The following PKHD1 variants were observed in gnomAD, a reference collection of about 807,000 sequenced individuals.
PKHD1 encodes PKHD1 ciliary IPT domain containing fibrocystin/polyductin.
PKHD1 carries 291 observed loss-of-function variants against 412.0 expected under a neutral mutation model. The ratio of observed to expected loss-of-function variants is 0.71; its 90% CI spans 0.64 to 0.78. PKHD1 has a LOEUF of 0.78. Ranked by LOEUF, PKHD1 falls within the 30% of genes least tolerant of loss-of-function variation. The pLI is 0.00. For missense variants in PKHD1, 4,825 were observed against 4,950.7 expected, an observed-to-expected ratio of 0.97 and a Z score of 0.76; for synonymous variants, 1,777 against 1,821.5, an observed-to-expected ratio of 0.98 and a Z score of 0.62.
At chr6:51,773,360 A>G (rs182596933) in intron 54 of PKHD1, among the ~76,000 whole-genome samples, 55 of 152,020 alleles carry the variant, frequency 3.6e-4, no homozygotes, top group Non-Finnish European at 7.2e-4. Context: ...TGCTTGATAC[A>G]GCTCAGTTTT....
chr6:51,763,664 C>T (rs968355274), intron 55 of PKHD1, among the ~76,000 whole-genome samples: 4 of 152,118 alleles, frequency 2.6e-5, no homozygotes, highest in African/African-American at 9.6e-5. Flanking sequence ...TCCAGCTACA[C>T]AAACCAGAAA....
intron 33 of PKHD1, among the ~76,000 whole-genome samples, chr6:52,018,551 C>T (rs185372907): frequency 6.6e-6 from 1 of 152,094 alleles, no homozygotes; most frequent in Non-Finnish European, 1.5e-5. Flanking sequence ...GACAGAGTTT[C>T]GCTGTGTTGC....
chr6:52,001,789 G>A (rs1203891091), intron 35 of PKHD1, among the ~76,000 whole-genome samples: 1 of 152,104 alleles, frequency 6.6e-6, no homozygotes, highest in African/African-American at 2.4e-5. Context: ...AAAGTCTTAA[G>A]TTCAAATAAT....
chr6:51,708,110 T>A (rs1261363714), intron 60 of PKHD1, among the ~76,000 whole-genome samples: 2 of 152,180 alleles, frequency 1.3e-5, no homozygotes, highest in Admixed American at 1.3e-4. Flanking sequence ...TACCTCATAT[T>A]CAATATGTCT....
chr6:51,850,922 CCAATA>C (rs1240932332), intron 49 of PKHD1, among the ~76,000 whole-genome samples: 1 of 152,152 alleles, frequency 6.6e-6, no homozygotes, highest in Non-Finnish European at 1.5e-5. Context: ...GCCAGAACTT[CCAATA>C]CTATGTTGAA....
intron 52 of PKHD1, among the ~76,000 whole-genome samples, chr6:51,828,756 A>G (rs1435336658): frequency 6.6e-6 from 1 of 152,036 alleles, no homozygotes; most frequent in Non-Finnish European, 1.5e-5. Flanking sequence ...GAGTTCAGAG[A>G]GAGACAAAAC....
At chr6:51,799,172 C>T (rs1282369795) in intron 52 of PKHD1, among the ~76,000 whole-genome samples, 1 of 151,920 alleles carries the variant, frequency 6.6e-6, no homozygotes, top group Non-Finnish European at 1.5e-5. Context: ...CACACACACA[C>T]ACAAGCACAC....
At position 51,874,813 on chromosome 6, in the gene PKHD1, G is replaced by A. The variant is rs1229023517; in HGVS notation, c.7351-4174C>T. ...GTCTACAGCTCCCAGCGTGAGCGAC[G>A]CAGAAGACGGGTGATTTCTGCATTT... On this transcript the variant is annotated intron_variant, in intron 46 of 66. Coordinates refer to ENST00000371117, the MANE Select transcript of PKHD1 (RefSeq NM_138694.4). Among the ~76,000 whole-genome samples the A allele has an allele frequency of 6.8e-4, 69 of 101,240 alleles. 19 individuals carry two copies. The highest frequency in any genetic ancestry group is 3.7e-3 in the Admixed American group (30 of 8,104). The allele number at this position is 101,240 out of a possible 152,430, so 66.4% of individuals were successfully genotyped here. A position where few individuals can be genotyped will look rare whatever the true frequency, so the allele number is the denominator to read the frequency against.
rs145886657 is a variant in PKHD1, at chr6:52,082,398, C to T, written c.275G>A (p.Arg92Gln). 1,641 of 1,614,014 alleles carry T rather than the reference C, an allele frequency of 1.0e-3. 3 individuals carry two copies. Among genetic ancestry groups the T allele is most frequent in the Non-Finnish European group, 1.2e-3 (1,429 of 1,179,906 alleles). ...TATTCCCAGACAGGTATACCTGGTC[C>T]GGCATGTCACCACAGGCAAATCCAA... ...VFLDLPVVTC[R>Q]TRSVLSEAHE... Residue 92 changes from arginine (R) to glutamine (Q), a missense_variant, in exon 4 of 67, where the codon CGG becomes CAG. By Grantham distance (43) the Arg-to-Gln change is conservative. Transcript: ENST00000371117.
intron 60 of PKHD1, among the ~76,000 whole-genome samples, chr6:51,740,909 G>C (rs117265994): frequency 2.2e-4 from 34 of 152,260 alleles, no homozygotes; most frequent in East Asian, 2.1e-3. Context: ...GGTACCTATA[G>C]CAACCTCATT....
intron 53 of PKHD1, among the ~76,000 whole-genome samples, chr6:51,787,135 C>T (rs560414283): frequency 4.6e-4 from 70 of 152,182 alleles, no homozygotes; most frequent in African/African-American, 1.3e-3. Flanking sequence ...CCAAGGCAGG[C>T]GGATCACGAG....
chr6:51,824,154 C>T (rs1384557850), intron 52 of PKHD1, among the ~76,000 whole-genome samples: 1 of 152,034 alleles, frequency 6.6e-6, no homozygotes, highest in African/African-American at 2.4e-5. Flanking sequence ...AAAGCCACTA[C>T]ATTTCCTGCC....
chr6:51,900,633 A>G (rs1401763255), intron 43 of PKHD1, among the ~76,000 whole-genome samples: 1 of 152,206 alleles, frequency 6.6e-6, no homozygotes, highest in African/African-American at 2.4e-5. Flanking sequence ...TGTCTAAAAC[A>G]TCAAAAGCAA....
chr6:52,033,115 A>C lies in PKHD1; in HGVS notation c.3279T>G (p.Ser1093=). The part of the protein sequence containing the change: ...VNVTVIRGDY[S]AVLPRAFTYV... Reference sequence around the variant, plus strand: ...ATGTAAATGCTCTGGGAAGAACTGCAGAATAGTCCCCTCTGATCACAGTCA... The same window carrying C: ...ATGTAAATGCTCTGGGAAGAACTGCCGAATAGTCCCCTCTGATCACAGTCA... Residue 1093 remains serine (S), a synonymous_variant, in exon 29 of 67, where the codon TCT becomes TCG. Coordinates refer to ENST00000371117, the MANE Select transcript of PKHD1 (RefSeq NM_138694.4). 6.2e-7 allele frequency: 1 copy of C among 1,611,064 alleles called. No individual in the cohort carries two copies. The highest frequency in any genetic ancestry group is 8.5e-7 in the Non-Finnish European group (1 of 1,177,222).
At chr6:51,660,397 C>A (rs2150420978) in intron 60 of PKHD1, among the ~76,000 whole-genome samples, 1 of 152,212 alleles carries the variant, frequency 6.6e-6, no homozygotes, top group South Asian at 2.1e-4. Flanking sequence ...GCAACCAATT[C>A]TCCAGTGGAT....
intron 60 of PKHD1, among the ~76,000 whole-genome samples, chr6:51,681,167 C>T (rs1410351680): frequency 6.6e-6 from 1 of 151,960 alleles, no homozygotes; most frequent in Non-Finnish European, 1.5e-5. Context: ...GACTTTTTCC[C>T]CAAGGCAATT....
rs375387450 is a variant in PKHD1 at position 51,748,083 on chromosome 6, C to T, written c.9533G>A (p.Gly3178Asp). The change falls in exon 58 of 67, where the codon GGT becomes GAT. Residue 3178 changes from glycine to aspartate, a missense_variant. Physicochemically the swap from Gly to Asp is moderately conservative, Grantham distance 94. Coordinates refer to ENST00000371117, the MANE Select transcript of PKHD1 (RefSeq NM_138694.4). ...ENITLVDNTIGLLAVVYVFSA... is the reference protein window; with the variant it reads ...ENITLVDNTIDLLAVVYVFSA... The stretch of plus-strand genomic sequence containing the variant: ...AAATACATACACTACTGCCAAAAGA[C>T]CAATAGTATTGTCTACCAGAGTAAT... 1.2e-6 allele frequency: 2 copies of T among 1,613,774 alleles called. No homozygotes were observed. The highest frequency in any genetic ancestry group is 1.3e-5 in the African/African-American group (1 of 74,908).
At chr6:52,055,862 A>T (rs1330232926) in intron 18 of PKHD1, 133 bp from the exon 19 acceptor site, 4 of 833,324 alleles carry the variant, frequency 4.8e-6, no homozygotes, top group Non-Finnish European at 7.4e-6. Flanking sequence ...TTACCCATGC[A>T]ACCTTGAGTA....
At chr6:51,738,698 G>A (rs991274291) in intron 60 of PKHD1, among the ~76,000 whole-genome samples, 1 of 152,150 alleles carries the variant, frequency 6.6e-6, no homozygotes, top group African/African-American at 2.4e-5. Context: ...GCTGGCTCCT[G>A]TCTATCTGCA....
Sources: allele counts gnomAD v4.1 joint callset (sites outside exome capture counted in the v4.1 genomes callset), GRCh38; gene constraint gnomAD v4.1.1; transcripts MANE v1.5; gene names NCBI Gene and HGNC (gene_info 2026-07-23, HGNC 2026-07-21).